Variants in ANKRD27 observed in about 807,000 individuals in gnomAD.
ANKRD27 encodes the protein ankyrin repeat domain-containing protein 27.
ANKRD27 carries 112 observed loss-of-function variants against 129.7 expected under a neutral mutation model. The observed-to-expected ratio is 0.86, with a 90% confidence interval of 0.74 to 1.01. The LOEUF (loss-of-function observed/expected upper bound fraction) is 1.01, where lower values mean the gene tolerates loss of function less well. Among genes scored for constraint, ANKRD27 ranks in the 50% least tolerant of loss-of-function variants. The probability of loss-of-function intolerance (pLI) is 0.00; values close to 1 mark genes in which losing one functional copy is unlikely to be tolerated. For synonymous variants in ANKRD27, 516 were observed against 511.2 expected (o/e 1.01, Z -0.13); for missense variants, 1,258 against 1,300.5 (o/e 0.97, Z 0.50).
At chr19:32,662,989 C>A (rs1377686230) in intron 1 of ANKRD27, among the ~76,000 whole-genome samples, 2 of 152,166 alleles carry the variant, frequency 1.3e-5, no homozygotes, top group Admixed American at 1.3e-4. Context: ...TTGCAGTGAG[C>A]CGAGATCACG....
chr19:32,643,390 G>C lies in ANKRD27; in HGVS notation c.640-38C>G, dbSNP rs1967239396. On this transcript the variant is annotated intron_variant, in intron 7 of 28. Transcript: ENST00000306065. ...CAGACCCCATTCAGGGTGTGAGCGG[G>C]CAACAGGGTGTGCCTCCCAGCCACT... 3.1e-6 allele frequency: 5 copies of C among 1,613,662 alleles called. No individual in the cohort carries two copies. The Admixed American group carries it at 8.3e-5, about 27-fold the overall frequency.
intron 18 of ANKRD27, 38 bp from the exon 19 acceptor site, chr19:32,619,591 G>A (rs1971977374): frequency 1.2e-6 from 2 of 1,610,298 alleles, no homozygotes; most frequent in Non-Finnish European, 1.7e-6. Context: ...TACCCCGTGA[G>A]ATGGGGGTCG....
At chr19:32,599,675 T>C (rs1971621458) in intron 28 of ANKRD27, 29 bp downstream of exon 28, 15 of 1,592,484 alleles carry the variant, frequency 9.4e-6, no homozygotes, top group Non-Finnish European at 1.3e-5. Context: ...TTAGAAAATA[T>C]GATTAAAAGC....
At chr19:32,641,995 CT>C in intron 10 of ANKRD27, 28 bp downstream of exon 10, 1 of 1,542,906 alleles carries the variant, frequency 6.5e-7, no homozygotes, top group Non-Finnish European at 8.8e-7. Flanking sequence ...GCATCTACCC[CT>C]TGGCCAGTCC....
chr19:32,640,419 T>C (rs751533613), intron 10 of ANKRD27, 34 bp from the exon 11 acceptor site: 8 of 1,591,872 alleles, frequency 5.0e-6, no homozygotes, highest in South Asian at 1.1e-5. Context: ...AATGCCATCA[T>C]GAGATTCAAA....
In ANKRD27 at chr19:32,646,604, A is replaced by T; in HGVS notation, c.225T>A (p.Ile75=). ...CTCCTAATTTAATCCTGTTCCCTTG[A>T]ATAAAGACATCCTGGAAACAAGAAA... ...FQTLNGKDVF[I]QGNRIKLGAG... is the part of the protein sequence containing the mutation. The change falls in exon 4 of 29, where the codon ATT becomes ATA. Residue 75 remains isoleucine (I), a synonymous_variant. Transcript: ENST00000306065. 1 of 1,612,400 alleles carries T rather than the reference A, an allele frequency of 6.2e-7. No individual in the cohort carries two copies. Among genetic ancestry groups the T allele is most frequent in the Non-Finnish European group, 8.5e-7 (1 of 1,179,514 alleles).
In ANKRD27 at chr19:32,619,530, A is replaced by C; in HGVS notation, c.1851T>G (p.Tyr617Ter). ...TCTGCCTCCTCTCGAAGGACAGGTG[A>C]TAGGCTTCCATTACAGACAGAATCT... The part of the protein sequence containing the change: ...NSKILSVMEA[Y>*]HLSFERRQKS... Residue 617 changes from tyrosine (Y) to a stop codon, truncating the protein, a stop_gained, in exon 19 of 29, where the codon TAT becomes TAG. Transcript: ENST00000306065. LOFTEE classifies it high-confidence loss of function. 1 of 1,614,124 alleles carries C rather than the reference A, an allele frequency of 6.2e-7. No homozygotes were observed. Among genetic ancestry groups the C allele is most frequent in the Non-Finnish European group, 8.5e-7 (1 of 1,180,030 alleles).
At position 32,639,357 on chromosome 19, in the gene ANKRD27, G is replaced by A; in HGVS notation, c.1115C>T (p.Pro372Leu). 6.2e-7 allele frequency: 1 copy of A among 1,614,184 alleles called. No homozygotes were observed. The highest frequency in any genetic ancestry group is 8.5e-7 in the Non-Finnish European group (1 of 1,180,026). The change falls in exon 12 of 29, where the codon CCT (proline) becomes CTT (leucine). Residue 372 changes from proline (P) to leucine (L), a missense_variant and splice_region_variant. Transcript: ENST00000306065. ...IRQGSLSAKP[P>L]ESEGFGDRLF... is the part of the protein sequence containing the mutation. Reference sequence around the variant, plus strand: ...GCCAGGGCAGGGGTGAGATCTTACAGGGGGTTTAGCAGAGAGGCTTCCTTG... The same window carrying A: ...GCCAGGGCAGGGGTGAGATCTTACAAGGGGTTTAGCAGAGAGGCTTCCTTG...
chr19:32,615,345 G>A (rs1038367232), intron 22 of ANKRD27, among the ~76,000 whole-genome samples: 1 of 152,210 alleles, frequency 6.6e-6, no homozygotes, highest in Middle Eastern at 3.2e-3. Flanking sequence ...AGCACTGTGG[G>A]AGGCTGAGGC....
intron 12 of ANKRD27, among the ~76,000 whole-genome samples, chr19:32,635,446 GCA>G (rs370210681): frequency 2.6e-5 from 4 of 152,076 alleles, no homozygotes; most frequent in African/African-American, 9.7e-5. Flanking sequence ...AGACACAAGA[GCA>G]CACACACACG....
intron 15 of ANKRD27, 137 bp from the exon 16 acceptor site, chr19:32,626,964 G>GGA (rs1568405098): frequency 1.7e-6 from 1 of 593,276 alleles, no homozygotes; most frequent in Non-Finnish European, 2.9e-6. Flanking sequence ...CTGCTAGAGA[G>GGA]GAACTACAGC....
At chr19:32,653,182 C>T (rs145941937) in intron 2 of ANKRD27, among the ~76,000 whole-genome samples, 184 of 152,212 alleles carry the variant, frequency 1.2e-3, no homozygotes, top group Middle Eastern at 3.4e-3. Flanking sequence ...TGGATGGCCA[C>T]GGCTTGTTGG....
At chr19:32,671,267 G>A (rs952826107) in intron 1 of ANKRD27, among the ~76,000 whole-genome samples, 8 of 147,280 alleles carry the variant, frequency 5.4e-5, no homozygotes, top group South Asian at 2.2e-4. Flanking sequence ...TAGCCTAGGC[G>A]ACAGAGGAAG....
intron 13 of ANKRD27, among the ~76,000 whole-genome samples, chr19:32,629,892 A>T (rs1444111564): frequency 2.0e-5 from 3 of 146,942 alleles, no homozygotes; most frequent in African/African-American, 7.6e-5. Flanking sequence ...AGGGTGACAA[A>T]TAACAGAATT....
chr19:32,666,956 G>T (rs904957927), intron 1 of ANKRD27, among the ~76,000 whole-genome samples: 1 of 152,100 alleles, frequency 6.6e-6, no homozygotes, highest in Non-Finnish European at 1.5e-5. Flanking sequence ...CAGGAGATCA[G>T]ATTTCTAACC....
At chr19:32,631,695 G>A (rs146786524) in intron 12 of ANKRD27, among the ~76,000 whole-genome samples, 2 of 152,340 alleles carry the variant, frequency 1.3e-5, no homozygotes, top group Non-Finnish European at 2.9e-5. Flanking sequence ...AGGCTTTGAC[G>A]GTTGCTCCCT....
chr19:32,668,475 CTTT>C (rs71176144), intron 1 of ANKRD27, among the ~76,000 whole-genome samples: 74 of 141,638 alleles, frequency 5.2e-4, no homozygotes, highest in Middle Eastern at 3.6e-3. Context: ...TTATCTTCAT[CTTT>C]TTTTTTTTTT....
intron 1 of ANKRD27, among the ~76,000 whole-genome samples, chr19:32,664,919 C>CAAAA (rs35300883): frequency 5.2e-5 from 5 of 95,898 alleles, no homozygotes; most frequent in Non-Finnish European, 4.0e-5. Context: ...GACTCTGTCT[C>CAAAA]AAAAAAAAAA....
At chr19:32,602,737 A>T (rs1039924326) in intron 25 of ANKRD27, among the ~76,000 whole-genome samples, 1 of 152,036 alleles carries the variant, frequency 6.6e-6, no homozygotes, top group Admixed American at 6.6e-5. Context: ...CTATTAAAAA[A>T]AAATTAGCTG....
Sources: gnomAD v4.1 joint callset for allele counts (sites outside exome capture counted in the v4.1 genomes callset) on GRCh38, gnomAD v4.1.1 for gene constraint, MANE v1.5 for transcripts, NCBI Gene and HGNC (gene_info 2026-07-23, HGNC 2026-07-21) for gene names.